The following ARL3 variants were observed in gnomAD, a reference collection of about 807,000 sequenced individuals.
ARL3 encodes the protein ARF like GTPase 3.
ARL3 carries 9 observed loss-of-function variants against 26.0 expected under a neutral mutation model. The ratio of observed to expected loss-of-function variants is 0.35; its 90% CI spans 0.21 to 0.60. The LOEUF (loss-of-function observed/expected upper bound fraction) is 0.60. ARL3 is among the 20% of genes least tolerant of loss of function. The probability of loss-of-function intolerance (pLI) is 0.78; values close to 1 mark genes in which losing one functional copy is unlikely to be tolerated. For synonymous variants in ARL3, 71 were observed against 78.4 expected (o/e 0.91, Z 0.50); for missense variants, 158 against 215.7 (o/e 0.73, Z 1.67).
At chr10:102,697,854 CCTGAT>C (rs1265452418) in intron 3 of ARL3, among the ~76,000 whole-genome samples, 2 of 152,090 alleles carry the variant, frequency 1.3e-5, no homozygotes, top group African/African-American at 4.8e-5. Context: ...TGTTAAATGG[CCTGAT>C]AGGTCAAGTG....
intron 1 of ARL3, among the ~76,000 whole-genome samples, chr10:102,713,849 T>C (rs912458004): frequency 1.3e-5 from 2 of 152,210 alleles, no homozygotes; most frequent in African/African-American, 4.8e-5. Context: ...CGGCCTTCTC[T>C]CCGCTTCTGG....
chr10:102,707,262 C>T (rs1349138444), intron 1 of ARL3, among the ~76,000 whole-genome samples: 4 of 151,520 alleles, frequency 2.6e-5, no homozygotes, highest in Admixed American at 2.6e-4. Context: ...TGTACCACTG[C>T]ACTCCAGCCT....
chr10:102,699,803 A>G (rs2064269211), intron 2 of ARL3, among the ~76,000 whole-genome samples: 1 of 152,212 alleles, frequency 6.6e-6, no homozygotes, highest in Non-Finnish European at 1.5e-5. Flanking sequence ...CACACATCAC[A>G]TGCCCATGAA....
At chr10:102,710,516 G>T (rs1357457032) in intron 1 of ARL3, among the ~76,000 whole-genome samples, 2 of 152,150 alleles carry the variant, frequency 1.3e-5, no homozygotes, top group Non-Finnish European at 2.9e-5. Context: ...GCTGAGTTTT[G>T]CAGTATAAAT....
chr10:102,692,489 C>T (rs1230679849), intron 3 of ARL3, among the ~76,000 whole-genome samples: 2 of 151,408 alleles, frequency 1.3e-5, no homozygotes, highest in Non-Finnish European at 2.9e-5. Flanking sequence ...GATCTCGGCT[C>T]ACTGCAACCT....
intron 1 of ARL3, among the ~76,000 whole-genome samples, chr10:102,712,922 GTGTGAAA>G (rs556066219): frequency 1.8e-3 from 273 of 152,160 alleles, no homozygotes; most frequent in African/African-American, 6.0e-3. Flanking sequence ...AGTGTAGCAA[GTGTGAAA>G]TGTGATTGGC....
intron 2 of ARL3, among the ~76,000 whole-genome samples, chr10:102,704,485 C>T (rs1392727396): frequency 6.6e-6 from 1 of 151,804 alleles, no homozygotes; most frequent in Non-Finnish European, 1.5e-5. Flanking sequence ...CAAAAAAATA[C>T]AAAAATTAGC....
chr10:102,689,687 C>T (rs11191368), intron 4 of ARL3, among the ~76,000 whole-genome samples: 15,035 of 151,848 alleles, frequency 0.099, 1,230 homozygotes, highest in East Asian at 0.42. Context: ...CAAAATTAGC[C>T]AGGCGTGGTG....
Position 102,676,774 on chromosome 10 carries a change from C to T in ARL3, c.*120G>A. On this transcript the variant is annotated 3_prime_UTR_variant, in exon 6 of 6. Transcript: ENST00000260746. Reference sequence around the variant, plus strand: ...TTCTTTCTAAACCGTGTTGTTCCCTCTCTTCAAACAGCTGGAGCTGTACAC... The same window carrying T: ...TTCTTTCTAAACCGTGTTGTTCCCTTTCTTCAAACAGCTGGAGCTGTACAC... 9.7e-7 allele frequency: 1 copy of T among 1,030,346 alleles called. No individual in the cohort carries two copies. The highest frequency in any genetic ancestry group is 1.5e-6 in the Non-Finnish European group (1 of 679,588). The allele number at this position is 1,030,346 out of a possible 1,614,324, so 63.8% of individuals were successfully genotyped here. A position where few individuals can be genotyped will look rare whatever the true frequency, so the allele number is the denominator to read the frequency against.
chr10:102,707,971 T>C (rs963669803), intron 1 of ARL3, among the ~76,000 whole-genome samples: 1 of 152,092 alleles, frequency 6.6e-6, no homozygotes, highest in East Asian at 1.9e-4. Flanking sequence ...TGGAATGTAG[T>C]GGCGTGAACA....
chr10:102,683,682 C>T (rs1178261040), intron 5 of ARL3, among the ~76,000 whole-genome samples: 2 of 152,112 alleles, frequency 1.3e-5, no homozygotes, highest in Non-Finnish European at 2.9e-5. Flanking sequence ...TGTCCCCAAC[C>T]CCACCCTCTA....
intron 3 of ARL3, 104 bp from the exon 4 acceptor site, chr10:102,690,047 G>T: frequency 3.1e-6 from 2 of 637,426 alleles, no homozygotes; most frequent in Non-Finnish European, 5.5e-6. Context: ...ATTCCAATTA[G>T]CACAACATAC....
intron 5 of ARL3, among the ~76,000 whole-genome samples, chr10:102,680,020 C>T (rs1245122107): frequency 1.3e-5 from 2 of 152,072 alleles, no homozygotes; most frequent in Non-Finnish European, 2.9e-5. Flanking sequence ...GGCATGATCT[C>T]GACTCGCTGC....
intron 3 of ARL3, among the ~76,000 whole-genome samples, chr10:102,696,822 G>A (rs374201302): frequency 6.6e-6 from 1 of 152,192 alleles, no homozygotes; most frequent in African/African-American, 2.4e-5. Context: ...TTTTAGACAT[G>A]TTGAGGCTGA....
intron 5 of ARL3, among the ~76,000 whole-genome samples, chr10:102,682,116 A>G (rs1035292521): frequency 1.3e-5 from 2 of 152,170 alleles, no homozygotes; most frequent in African/African-American, 4.8e-5. Context: ...CACTTCCTCC[A>G]TGTTGATAAT....
intron 1 of ARL3, among the ~76,000 whole-genome samples, chr10:102,706,224 G>A (rs1332226432): frequency 2.6e-5 from 4 of 152,068 alleles, no homozygotes; most frequent in Non-Finnish European, 5.9e-5. Context: ...GGCCAAGGTG[G>A]GCGGATCACG....
At chr10:102,706,195 T>C (rs551215072) in intron 1 of ARL3, among the ~76,000 whole-genome samples, 22 of 152,286 alleles carry the variant, frequency 1.4e-4, no homozygotes, top group African/African-American at 5.3e-4. Flanking sequence ...CTCACATCTG[T>C]AATCCCAGCA....
rs1430015811 is a variant in ARL3, at chr10:102,676,294, A to C, written c.*600T>G. 1.3e-5 allele frequency: 2 copies of C among 150,350 alleles called. No homozygotes were observed. The highest frequency in any genetic ancestry group is 3.9e-4 in the East Asian group (2 of 5,144). The allele number at this position is 150,350 out of a possible 1,614,324, so 9.3% of individuals were successfully genotyped here. ...TTTTTTTTCTGTCCAAAGAGTGAGGATTACATACGTAGTCTCCGACCTGCA... is the reference window on the plus strand; with the variant it reads ...TTTTTTTTCTGTCCAAAGAGTGAGGCTTACATACGTAGTCTCCGACCTGCA... On this transcript the variant is annotated 3_prime_UTR_variant, in exon 6 of 6. Transcript: ENST00000260746.
intron 5 of ARL3, among the ~76,000 whole-genome samples, chr10:102,681,392 CA>C (rs11421481): frequency 5.3e-5 from 7 of 132,622 alleles, no homozygotes; most frequent in Admixed American, 7.8e-5. Flanking sequence ...AACTCCATCT[CA>C]AAAAAAAAAA....
Sources: gnomAD v4.1 joint callset for allele counts (sites outside exome capture counted in the v4.1 genomes callset) on GRCh38, gnomAD v4.1.1 for gene constraint, MANE v1.5 for transcripts, NCBI Gene and HGNC (gene_info 2026-07-23, HGNC 2026-07-21) for gene names.